The following KAT6B variants were observed in gnomAD, a reference collection of about 807,000 sequenced individuals.
KAT6B encodes the protein histone acetyltransferase KAT6B.
In KAT6B, 10 loss-of-function variants were observed where a neutral mutation model predicts 187.5. The observed-to-expected ratio is 0.05, with a 90% CI of 0.03 to 0.09. The LOEUF is 0.09. Among genes scored for constraint, KAT6B ranks in the 10% least tolerant of loss-of-function variants. KAT6B has a pLI of 1.00. For synonymous variants in KAT6B, 861 were observed against 926.8 expected, an observed-to-expected ratio of 0.93 and a Z score of 1.29; for missense variants, 1,952 against 2,558.9, an observed-to-expected ratio of 0.76 and a Z score of 5.12.
rs373357972 is a variant in KAT6B at position 74,957,844 on chromosome 10, G to A, written c.622-2126G>A. On this transcript the variant is annotated intron_variant, in intron 3 of 17. Coordinates refer to ENST00000287239, the MANE Select transcript of KAT6B (RefSeq NM_012330.4). ...TTGAGCAGTTGCAAGTAATAACTAT[G>A]GATCCATAATTATGCAGTGCTGATT... 2.4e-4 allele frequency among the ~76,000 whole-genome samples: 36 copies of A among 152,280 alleles called. No homozygotes were observed. In the East Asian group the frequency reaches 6.4e-3, roughly 27 times the overall value.
At chr10:74,967,295 A>G (rs1841548388) in intron 4 of KAT6B, among the ~76,000 whole-genome samples, 1 of 151,222 alleles carries the variant, frequency 6.6e-6, no homozygotes, top group Admixed American at 6.6e-5. Context: ...ACGCCACTGC[A>G]CTCCAGCCTG....
intron 1 of KAT6B, among the ~76,000 whole-genome samples, chr10:74,830,266 C>T (rs912131452): frequency 6.6e-5 from 10 of 152,194 alleles, no homozygotes; most frequent in African/African-American, 2.2e-4. Flanking sequence ...CACCAATTTT[C>T]GTATCATCTA....
intron 3 of KAT6B, among the ~76,000 whole-genome samples, chr10:74,908,463 A>G (rs780348256): frequency 6.6e-6 from 1 of 150,476 alleles, no homozygotes; most frequent in Non-Finnish European, 1.5e-5. Flanking sequence ...CGGGAGGCTG[A>G]TGCAGAATCG....
At chr10:74,864,567 G>A (rs1843422716) in intron 3 of KAT6B, among the ~76,000 whole-genome samples, 1 of 151,944 alleles carries the variant, frequency 6.6e-6, no homozygotes, top group Admixed American at 6.6e-5. Context: ...TTGGAGACAG[G>A]GTCTTTCTCT....
At chr10:74,916,594 A>G (rs1386156327) in intron 3 of KAT6B, among the ~76,000 whole-genome samples, 1 of 152,090 alleles carries the variant, frequency 6.6e-6, no homozygotes, top group Non-Finnish European at 1.5e-5. Flanking sequence ...ATTGCTATTG[A>G]CTGTACGGGC....
At chr10:74,830,731 CATATATATATATATATAT>C (rs1198969374) in intron 1 of KAT6B, among the ~76,000 whole-genome samples, 30 of 17,208 alleles carry the variant, frequency 1.7e-3, no homozygotes, top group East Asian at 7.8e-3. Context: ...CACAGCTCTT[CATATATATATATATATAT>C]ATATATATAT....
chr10:74,959,004 C>T (rs1281557210), intron 3 of KAT6B, among the ~76,000 whole-genome samples: 1 of 151,232 alleles, frequency 6.6e-6, no homozygotes, highest in Non-Finnish European at 1.5e-5. Context: ...CACCATTGCA[C>T]TCCAGGCTGG....
chr10:74,869,786 C>T (rs769295072), intron 3 of KAT6B, among the ~76,000 whole-genome samples: 1 of 152,108 alleles, frequency 6.6e-6, no homozygotes, highest in Non-Finnish European at 1.5e-5. Flanking sequence ...AAGACAGGGA[C>T]CTTATTTCTG....
intron 11 of KAT6B, 124 bp from the exon 12 acceptor site, chr10:74,984,956 T>G (rs1842726091): frequency 3.3e-6 from 3 of 909,556 alleles, no homozygotes; most frequent in Non-Finnish European, 5.2e-6. Flanking sequence ...ATAGAGTGTT[T>G]TAATCTCTCA....
Position 74,969,758 on chromosome 10 carries a change from G to A in KAT6B, c.829G>A (p.Val277Ile), listed in dbSNP as rs1841726404. 6.2e-7 allele frequency: 1 copy of A among 1,611,362 alleles called. No homozygotes were observed. Among genetic ancestry groups the A allele is most frequent in the South Asian group, 1.1e-5 (1 of 91,022 alleles). ...IECKTCSACR[V>I]QGRNADNMLF... ...ATGCAAGACATGCAGTGCCTGTAGAGTCCAAGGCAGAAATGCTGTAAGTAT... is the reference window on the plus strand; with the variant it reads ...ATGCAAGACATGCAGTGCCTGTAGAATCCAAGGCAGAAATGCTGTAAGTAT... The change falls in exon 5 of 18, where the codon GTC (valine) becomes ATC (isoleucine). Residue 277 changes from valine to isoleucine, a missense_variant. Physicochemically the swap from Val to Ile is conservative, Grantham distance 29. This residue lies in a region of KAT6B where 24 missense variants were observed against 42.7 expected (regional missense o/e 0.56). Transcript: ENST00000287239.
At chr10:74,944,756 C>T (rs1849982088) in intron 3 of KAT6B, among the ~76,000 whole-genome samples, 1 of 140,544 alleles carries the variant, frequency 7.1e-6, no homozygotes, top group Admixed American at 7.3e-5. Flanking sequence ...TTGCAGTGAG[C>T]CGAGATCGCG....
At chr10:74,970,669 A>G (rs1447769391) in intron 6 of KAT6B, among the ~76,000 whole-genome samples, 1 of 152,206 alleles carries the variant, frequency 6.6e-6, no homozygotes, top group African/African-American at 2.4e-5. Flanking sequence ...TATATTAAAC[A>G]TTTAAAAATA....
chr10:74,914,002 A>G (rs554521242), intron 3 of KAT6B, among the ~76,000 whole-genome samples: 11 of 152,288 alleles, frequency 7.2e-5, no homozygotes, highest in Non-Finnish European at 1.5e-4. Context: ...CCTGGGCAAC[A>G]TGGTGAAACC....
At chr10:74,927,957 A>G (rs1241735041) in intron 3 of KAT6B, among the ~76,000 whole-genome samples, 1 of 152,230 alleles carries the variant, frequency 6.6e-6, no homozygotes, top group Non-Finnish European at 1.5e-5. Flanking sequence ...GAACTCATCA[A>G]CAAAAAGTGC....
chr10:75,028,453 G>A (rs1564630287), intron 17 of KAT6B, 36 bp from the exon 18 acceptor site: 5 of 1,613,390 alleles, frequency 3.1e-6, no homozygotes, highest in Admixed American at 1.7e-5. Context: ...TTCTAAGACT[G>A]TTTTTTTTCC....
chr10:74,903,726 C>G (rs1276948221), intron 3 of KAT6B, among the ~76,000 whole-genome samples: 1 of 152,182 alleles, frequency 6.6e-6, no homozygotes, highest in Non-Finnish European at 1.5e-5. Context: ...GCTGTGAGCT[C>G]ATGAATGGGT....
chr10:74,830,731 CATATATATATAT>C (rs1198969374), intron 1 of KAT6B, among the ~76,000 whole-genome samples: 1,419 of 17,198 alleles, frequency 0.083, 82 homozygotes, highest in African/African-American at 0.18. Flanking sequence ...CACAGCTCTT[CATATATATATAT>C]ATATATATAT....
At chr10:74,957,946 A>G (rs1448256974) in intron 3 of KAT6B, among the ~76,000 whole-genome samples, 2 of 152,228 alleles carry the variant, frequency 1.3e-5, no homozygotes, top group Non-Finnish European at 2.9e-5. Flanking sequence ...TTTCTAGTAC[A>G]GAATGTTTTA....
Position 74,870,951 on chromosome 10 carries a change from C to T in KAT6B, c.621+27473C>T, listed in dbSNP as rs1226630956. 2.0e-5 allele frequency among the ~76,000 whole-genome samples: 3 copies of T among 149,812 alleles called. No homozygotes were observed. In the South Asian group the frequency reaches 6.3e-4, roughly 32 times the overall value. On this transcript the variant is annotated intron_variant, in intron 3 of 17. Transcript: ENST00000287239. ...GGAGTGCTATGGCACGATCTCGGCT[C>T]ACTGCAACCTCTGCCTCCCGGGTTC...
Sources: gnomAD v4.1 joint callset for allele counts (sites outside exome capture counted in the v4.1 genomes callset) on GRCh38, gnomAD v4.1.1 for gene constraint, gnomAD v4.1.1 regional missense constraint, MANE v1.5 for transcripts, NCBI Gene and HGNC (gene_info 2026-07-23, HGNC 2026-07-21) for gene names.